Variants in MTA3 observed in about 807,000 individuals in gnomAD.
MTA3 encodes metastasis-associated protein MTA3.
Under a neutral mutation model 83.5 loss-of-function variants are expected in MTA3, and 34 were observed. The observed-to-expected ratio is 0.41, with a 90% CI of 0.31 to 0.54. The LOEUF (loss-of-function observed/expected upper bound fraction) is 0.54. MTA3 is among the 20% of genes least tolerant of loss of function. The pLI, the probability that MTA3 is intolerant of heterozygous loss-of-function variation, is 0.33. For missense variants in MTA3, 761 were observed against 726.4 expected (o/e 1.05, Z -0.55); for synonymous variants, 303 against 252.7 (o/e 1.20, Z -1.89).
chr2:42,556,938 C>T (rs1344350808), intron 2 of MTA3, among the ~76,000 whole-genome samples: 1 of 152,164 alleles, frequency 6.6e-6, no homozygotes, highest in Non-Finnish European at 1.5e-5. Context: ...CAGGAGCCAG[C>T]CAAGATCAAG....
At position 42,754,956 on chromosome 2, in the gene MTA3, G is replaced by A. The variant is rs1242770179; in HGVS notation, c.*1557G>A. 3.2e-5 allele frequency: 32 copies of A among 985,426 alleles called. No individual in the cohort carries two copies. Among genetic ancestry groups the A allele is most frequent in the Non-Finnish European group, 3.6e-5 (30 of 830,082 alleles). The allele number at this position is 985,426 out of a possible 1,614,324, so 61.0% of individuals were successfully genotyped here. ...TCTCATCTTAGGCTTCTGCAAGGGCGAGCATGGGATGTCTCCACCACCACC... is the reference window on the plus strand; with the variant it reads ...TCTCATCTTAGGCTTCTGCAAGGGCAAGCATGGGATGTCTCCACCACCACC... On this transcript the variant is annotated 3_prime_UTR_variant, in exon 17 of 17. Coordinates refer to ENST00000405094, the MANE Select transcript of MTA3 (RefSeq NM_001330442.2).
chr2:42,506,270 C>A (rs1674622541), intron 2 of MTA3, among the ~76,000 whole-genome samples: 1 of 151,930 alleles, frequency 6.6e-6, no homozygotes, highest in Admixed American at 6.6e-5. Context: ...CATAGTGAGA[C>A]CCTGTCTCTA....
At position 42,753,564 on chromosome 2, in the gene MTA3, C is replaced by T; in HGVS notation, c.*165C>T. ...GGGCGGGGAAGGAACTGTGGGAGTG[C>T]ACGTTCCAAATCCTGTGTCTCCACG... On this transcript the variant is annotated 3_prime_UTR_variant, in exon 17 of 17. Transcript: ENST00000405094. 6.9e-7 allele frequency: 1 copy of T among 1,446,076 alleles called. No individual in the cohort carries two copies. The highest frequency in any genetic ancestry group is 9.1e-7 in the Non-Finnish European group (1 of 1,098,936). 89.6% of individuals were successfully genotyped at this position (1,446,076 alleles called of 1,614,324 possible).
At position 42,644,297 on chromosome 2, in the gene MTA3, C is replaced by G. The variant is rs922120886; in HGVS notation, c.499+53C>G. On this transcript the variant is annotated intron_variant, in intron 6 of 16. Transcript: ENST00000405094. ...TGTGAAACAAATATATCTTGAAACT[C>G]AAATATACATGTCCTCATGTAGAAG... is the stretch of plus-strand genomic sequence containing the variant. 15 of 1,187,548 alleles carry G rather than the reference C, an allele frequency of 1.3e-5. No homozygotes were observed. The Admixed American group carries it at 1.3e-4, about 11-fold the overall frequency. The allele number at this position is 1,187,548 out of a possible 1,614,324, so 73.6% of individuals were successfully genotyped here.
At position 42,756,290 on chromosome 2, in the gene MTA3, T is replaced by C. The variant is rs1670233674; in HGVS notation, c.*2891T>C. The C allele has an allele frequency of 9.2e-6, 2 of 217,486 alleles. 1 individual carries two copies. The highest frequency in any genetic ancestry group is 3.3e-4 in the South Asian group (2 of 6,074). 13.5% of individuals were successfully genotyped at this position (217,486 alleles called of 1,614,324 possible). The stretch of plus-strand genomic sequence containing the variant: ...AGCCATGATTCTTGTCAGAAACATT[T>C]CCCCAGGCAGAGAGAGGGGGCCCCA... On this transcript the variant is annotated 3_prime_UTR_variant, in exon 17 of 17. Transcript: ENST00000405094.
chr2:42,707,759 T>C (rs966415127), intron 12 of MTA3, 144 bp from the exon 13 acceptor site: 2 of 848,184 alleles, frequency 2.4e-6, no homozygotes, highest in East Asian at 2.8e-5. Flanking sequence ...AAAACAAATA[T>C]ACTATTATGT....
In MTA3 at chr2:42,697,761, C is replaced by A; in HGVS notation, c.967-15C>A. On this transcript the variant is annotated splice_polypyrimidine_tract_variant and intron_variant, in intron 10 of 16. Coordinates refer to ENST00000405094, the MANE Select transcript of MTA3 (RefSeq NM_001330442.2). ...GGCATTGCATGTAAAATGTTTTATT[C>A]ATCTTTTGAATTAGAAACGTCTAAA... The A allele has an allele frequency of 6.6e-7, 1 of 1,518,624 alleles. No individual in the cohort carries two copies. Among genetic ancestry groups the A allele is most frequent in the Non-Finnish European group, 8.9e-7 (1 of 1,129,784 alleles). 94.1% of individuals were successfully genotyped at this position (1,518,624 alleles called of 1,614,324 possible).
intron 6 of MTA3, among the ~76,000 whole-genome samples, chr2:42,646,249 G>C (rs1688173555): frequency 6.6e-6 from 1 of 152,214 alleles, no homozygotes; most frequent in Non-Finnish European, 1.5e-5. Context: ...CAAGAGCTCT[G>C]ATGGGGATGT....
chr2:42,661,464 C>T (rs1689700853), intron 8 of MTA3, among the ~76,000 whole-genome samples: 1 of 134,458 alleles, frequency 7.4e-6, no homozygotes, highest in Non-Finnish European at 1.5e-5. Flanking sequence ...CATGCTCATG[C>T]CACTTGCCCT....
At chr2:42,709,121 C>CT (rs1430590025) in intron 14 of MTA3, 25 bp downstream of exon 14, 1 of 1,560,572 alleles carries the variant, frequency 6.4e-7, no homozygotes, top group Non-Finnish European at 8.7e-7. Flanking sequence ...AATTCTTAAC[C>CT]TTATATGTTG....
chr2:42,673,732 G>A (rs1172382187), intron 8 of MTA3, among the ~76,000 whole-genome samples: 1 of 152,134 alleles, frequency 6.6e-6, no homozygotes, highest in Non-Finnish European at 1.5e-5. Flanking sequence ...GCTGATTTGT[G>A]GCATCCCAAA....
At chr2:42,536,641 C>T (rs372824338) in intron 2 of MTA3, among the ~76,000 whole-genome samples, 2 of 152,138 alleles carry the variant, frequency 1.3e-5, no homozygotes, top group South Asian at 2.1e-4. Context: ...AGGCGGATCA[C>T]GAGGTCAGGA....
chr2:42,684,694 A>C (rs1692220629), intron 9 of MTA3, among the ~76,000 whole-genome samples: 2 of 152,216 alleles, frequency 1.3e-5, no homozygotes, highest in African/African-American at 4.8e-5. Context: ...AGATCTGATA[A>C]AGGAGTAGGA....
intron 2 of MTA3, among the ~76,000 whole-genome samples, chr2:42,496,223 T>A (rs955753130): frequency 1.3e-5 from 2 of 152,238 alleles, no homozygotes; most frequent in Non-Finnish European, 2.9e-5. Flanking sequence ...AATGTGTGCC[T>A]CCTAGGTATA....
At chr2:42,682,076 C>T (rs1014573576) in intron 8 of MTA3, among the ~76,000 whole-genome samples, 4 of 151,836 alleles carry the variant, frequency 2.6e-5, no homozygotes, top group African/African-American at 4.8e-5. Flanking sequence ...GTCATAGTGG[C>T]GTATACCTGT....
At chr2:42,572,721 T>C (rs1403589075) in intron 2 of MTA3, among the ~76,000 whole-genome samples, 3 of 151,972 alleles carry the variant, frequency 2.0e-5, no homozygotes, top group Admixed American at 2.0e-4. Flanking sequence ...GAAACTTTTG[T>C]TTTGTTTTGT....
intron 8 of MTA3, among the ~76,000 whole-genome samples, chr2:42,677,255 G>A (rs752298468): frequency 1.5e-4 from 23 of 152,068 alleles, no homozygotes; most frequent in Non-Finnish European, 3.1e-4. Context: ...AGGGACCACC[G>A]GGGGAGATAA....
At chr2:42,673,101 C>A (rs1353240474) in intron 8 of MTA3, among the ~76,000 whole-genome samples, 1 of 151,922 alleles carries the variant, frequency 6.6e-6, no homozygotes, top group East Asian at 1.9e-4. Context: ...CCCCCGCCCC[C>A]CTCTGACCTC....
At chr2:42,498,361 T>C (rs1674239885) in intron 2 of MTA3, among the ~76,000 whole-genome samples, 1 of 152,186 alleles carries the variant, frequency 6.6e-6, no homozygotes, top group Admixed American at 6.5e-5. Flanking sequence ...CCAGGATGGC[T>C]GAATGGTAGA....
Sources: gnomAD v4.1 joint callset for allele counts (sites outside exome capture counted in the v4.1 genomes callset) on GRCh38, gnomAD v4.1.1 for gene constraint, MANE v1.5 for transcripts, NCBI Gene and HGNC (gene_info 2026-07-23, HGNC 2026-07-21) for gene names.